CDC42SE2: variants seen among roughly 807,000 people sequenced by gnomAD.
The protein encoded by CDC42SE2 is CDC42 small effector 2, also known as CDC42 small effector protein 2.
A neutral mutation model predicts 11.5 loss-of-function variants in CDC42SE2; 3 were observed. That is an observed-to-expected ratio of 0.26 (90% confidence interval 0.12 to 0.67). The LOEUF (loss-of-function observed/expected upper bound fraction) is 0.67, where lower values mean the gene tolerates loss of function less well. Among genes scored for constraint, CDC42SE2 ranks in the 30% least tolerant of loss-of-function variants. The pLI, the probability that CDC42SE2 is intolerant of heterozygous loss-of-function variation, is 0.80. For missense variants in CDC42SE2, 82 were observed against 106.8 expected (o/e 0.77, Z 1.02); for synonymous variants, 33 against 34.8 (o/e 0.95, Z 0.18).
chr5:131,210,717 GTTTTAT>G, the CDC42SE2 span, among the ~76,000 whole-genome samples: 3 of 152,140 alleles, frequency 2.0e-5, no homozygotes. Flanking sequence ...CTAGGTAGAG[GTTTTAT>G]TTTTATTTAT....
chr5:131,234,073 T>G, the CDC42SE2 span, among the ~76,000 whole-genome samples: 6 of 152,328 alleles, frequency 3.9e-5, no homozygotes, highest in South Asian at 6.2e-4. Flanking sequence ...TCTGTTGTAT[T>G]AAGTAAATGA....
chr5:131,283,603 C>T (rs1480552376), intron 1 of CDC42SE2, among the ~76,000 whole-genome samples: 1 of 151,858 alleles, frequency 6.6e-6, no homozygotes, highest in East Asian at 1.9e-4. Flanking sequence ...AAGTGATTCT[C>T]CTGCCTCAGC....
At chr5:131,321,085 A>G (rs1245337047) in intron 2 of CDC42SE2, among the ~76,000 whole-genome samples, 1 of 152,172 alleles carries the variant, frequency 6.6e-6, no homozygotes, top group Non-Finnish European at 1.5e-5. Flanking sequence ...CCTTTAGGAG[A>G]TTGGAAAACA....
At chr5:131,265,588 C>T (rs1488736001) in intron 1 of CDC42SE2, among the ~76,000 whole-genome samples, 2 of 152,182 alleles carry the variant, frequency 1.3e-5, no homozygotes, top group Admixed American at 6.5e-5. Flanking sequence ...AAGTTATTTC[C>T]TTATTATTGA....
At chr5:131,258,741 T>C (rs749299933) in intron 2 of CDC42SE2, among the ~76,000 whole-genome samples, 26 of 152,236 alleles carry the variant, frequency 1.7e-4, no homozygotes, top group Non-Finnish European at 3.1e-4. Flanking sequence ...CCACCTCGAA[T>C]TCCTTTCCCT....
At chr5:131,271,284 T>A (rs2149693817) in intron 1 of CDC42SE2, among the ~76,000 whole-genome samples, 1 of 152,224 alleles carries the variant, frequency 6.6e-6, no homozygotes, top group Middle Eastern at 3.4e-3. Flanking sequence ...TCCACTGGGG[T>A]CTCAGCATCC....
intron 4 of CDC42SE2, among the ~76,000 whole-genome samples, chr5:131,390,434 C>T (rs927620831): frequency 1.3e-5 from 2 of 152,124 alleles, no homozygotes; most frequent in African/African-American, 4.8e-5. Context: ...CCTGTAATCG[C>T]AGCACTTTGG....
At chr5:131,308,378 T>C (rs1201388714) in intron 1 of CDC42SE2, among the ~76,000 whole-genome samples, 1 of 151,994 alleles carries the variant, frequency 6.6e-6, no homozygotes, top group Non-Finnish European at 1.5e-5. Flanking sequence ...TCAGGTAGTG[T>C]GATGCCTCCA....
intron 3 of CDC42SE2, among the ~76,000 whole-genome samples, chr5:131,374,546 AAAAAGTT>A (rs1388628503): frequency 1.3e-5 from 2 of 151,850 alleles, no homozygotes; most frequent in Non-Finnish European, 2.9e-5. Flanking sequence ...AAAAAAAAAA[AAAAAGTT>A]AAGCAGACAT....
intron 1 of CDC42SE2, among the ~76,000 whole-genome samples, chr5:131,284,003 G>A (rs936245924): frequency 1.3e-5 from 2 of 152,206 alleles, no homozygotes; most frequent in Non-Finnish European, 2.9e-5. Context: ...TTGCTGGGTT[G>A]TATGGTAACT....
chr5:131,217,278 G>A, the CDC42SE2 span, among the ~76,000 whole-genome samples: 7 of 152,158 alleles, frequency 4.6e-5, no homozygotes, highest in African/African-American at 7.2e-5. Context: ...GGCCCACAAA[G>A]CCTAAATTAT....
chr5:131,315,381 A>G (rs1045769560), intron 1 of CDC42SE2, among the ~76,000 whole-genome samples: 1 of 152,216 alleles, frequency 6.6e-6, no homozygotes, highest in Non-Finnish European at 1.5e-5. Flanking sequence ...TGGCTGTGAC[A>G]ATACTAAAAT....
chr5:131,269,529 G>A (rs890347880), intron 1 of CDC42SE2, among the ~76,000 whole-genome samples: 8 of 152,232 alleles, frequency 5.3e-5, no homozygotes, highest in African/African-American at 1.7e-4. Context: ...AGCACTTTGG[G>A]TGGCTGAGGT....
chr5:131,385,447 C>A, intron 3 of CDC42SE2, 96 bp from the exon 4 acceptor site: 1 of 790,618 alleles, frequency 1.3e-6, no homozygotes. Context: ...TTTTTGTGTT[C>A]TTGGCAAATT....
chr5:131,322,104 G>C (rs1007301708), intron 2 of CDC42SE2, among the ~76,000 whole-genome samples: 3 of 151,464 alleles, frequency 2.0e-5, no homozygotes, highest in Non-Finnish European at 1.5e-5. Context: ...CCTGCCTCGG[G>C]CTCCCAAAGT....
rs1750768138 is a variant in CDC42SE2, at chr5:131,393,970, A to G, written c.*2879A>G. 6.6e-6 allele frequency: 1 copy of G among 152,188 alleles called. No individual in the cohort carries two copies. Among genetic ancestry groups the G allele is most frequent in the Non-Finnish European group, 1.5e-5 (1 of 68,010 alleles). The allele number at this position is 152,188 out of a possible 1,614,324, so 9.4% of individuals were successfully genotyped here. The stretch of plus-strand genomic sequence containing the variant: ...GCACAGTAACTACACTTTATACAGG[A>G]GCACATGCCAAAGTGCCTGGGAGGT... On this transcript the variant is annotated 3_prime_UTR_variant, in exon 5 of 5. Transcript: ENST00000505065.
At chr5:131,232,595 G>A in the CDC42SE2 span, among the ~76,000 whole-genome samples, 30 of 151,890 alleles carry the variant, frequency 2.0e-4, no homozygotes, top group African/African-American at 7.2e-4. Context: ...TTAGCCAGGT[G>A]TGTTGGCGGG....
intron 4 of CDC42SE2, among the ~76,000 whole-genome samples, chr5:131,388,203 G>A (rs931787388): frequency 5.1e-4 from 78 of 152,008 alleles, no homozygotes; most frequent in African/African-American, 1.9e-3. Flanking sequence ...CCATGTTGGC[G>A]AGGCTGGTCT....
chr5:131,303,665 C>A (rs1186681598), intron 1 of CDC42SE2, among the ~76,000 whole-genome samples: 1 of 152,128 alleles, frequency 6.6e-6, no homozygotes, highest in East Asian at 1.9e-4. Flanking sequence ...ATAACAGATA[C>A]CCTAAGGCAG....
Sources: allele counts gnomAD v4.1 joint callset (sites outside exome capture counted in the v4.1 genomes callset), GRCh38; gene constraint gnomAD v4.1.1; transcripts MANE v1.5; gene names NCBI Gene and HGNC (gene_info 2026-07-23, HGNC 2026-07-21).